The following C4orf46 variants were observed in gnomAD, a reference collection of about 807,000 sequenced individuals.
The protein encoded by C4orf46 is renal cancer differentiation gene 1 protein.
A neutral mutation model predicts 9.1 loss-of-function variants in C4orf46; 8 were observed. The ratio of observed to expected loss-of-function variants is 0.88; its 90% CI spans 0.52 to 1.59. The LOEUF (loss-of-function observed/expected upper bound fraction) is 1.59, where lower values mean the gene tolerates loss of function less well. Among genes scored for constraint, C4orf46 ranks in the 40% most tolerant of loss-of-function variants. The probability of loss-of-function intolerance (pLI) is 0.00; values close to 1 mark genes in which losing one functional copy is unlikely to be tolerated. For missense variants in C4orf46, 151 were observed against 139.1 expected, an observed-to-expected ratio of 1.09 and a Z score of -0.43; for synonymous variants, 51 against 58.8, an observed-to-expected ratio of 0.87 and a Z score of 0.61.
Position 158,668,124 on chromosome 4 carries a change from G to A in C4orf46, c.*1489C>T, listed in dbSNP as rs1421483521. 6.6e-6 allele frequency: 1 copy of A among 152,080 alleles called. No individual in the cohort carries two copies. Among genetic ancestry groups the A allele is most frequent in the African/African-American group, 2.4e-5 (1 of 41,358 alleles). The allele number at this position is 152,080 out of a possible 1,614,324, so 9.4% of individuals were successfully genotyped here. ...TTACATCTGCATGGTAGAAATACACGGATTTTCTTGAAATCATTTACCTTT... is the reference window on the plus strand; with the variant it reads ...TTACATCTGCATGGTAGAAATACACAGATTTTCTTGAAATCATTTACCTTT... On this transcript the variant is annotated 3_prime_UTR_variant, in exon 2 of 2. Transcript: ENST00000379205.
chr4:158,669,860 T>A, intron 1 of C4orf46, 92 bp from the exon 2 acceptor site: 1 of 1,012,130 alleles, frequency 9.9e-7, no homozygotes, highest in Non-Finnish European at 1.4e-6. Context: ...TTGAATCCAA[T>A]GCCCATGTTA....
At chr4:158,672,005 A>G (rs1773575668), upstream of C4orf46, 9 of 557,868 alleles carry the variant, frequency 1.6e-5, no homozygotes, top group Admixed American at 2.9e-4. Context: ...ACCTTAGGCA[A>G]CTCACGGCTC....
At chr4:158,671,594 G>A (rs376745396) in intron 1 of C4orf46, 22 bp downstream of exon 1, 16 of 1,464,752 alleles carry the variant, frequency 1.1e-5, no homozygotes, top group Admixed American at 2.3e-5. Flanking sequence ...GAGGGGGGAC[G>A]CGGTCCCGAC....
chr4:158,671,818 C>G lies in C4orf46; in HGVS notation c.-17G>C. 2 of 1,479,956 alleles carry G rather than the reference C, an allele frequency of 1.4e-6. No individual in the cohort carries two copies. The highest frequency in any genetic ancestry group is 1.8e-6 in the Non-Finnish European group (2 of 1,109,852). The allele number at this position is 1,479,956 out of a possible 1,614,324, so 91.7% of individuals were successfully genotyped here. ...GTCGGCCATGGGGAAGGGTTGGGACCGCGGAATCCGACCCGAGAAGCCGAA... is the reference window on the plus strand; with the variant it reads ...GTCGGCCATGGGGAAGGGTTGGGACGGCGGAATCCGACCCGAGAAGCCGAA... On this transcript the variant is annotated 5_prime_UTR_variant, in exon 1 of 2. Coordinates refer to ENST00000379205, the MANE Select transcript of C4orf46 (RefSeq NM_001008393.4).
chr4:158,670,112 C>T (rs1773488908), intron 1 of C4orf46, among the ~76,000 whole-genome samples: 1 of 148,368 alleles, frequency 6.7e-6, no homozygotes, highest in Non-Finnish European at 1.5e-5. Flanking sequence ...CAACCTCCGC[C>T]TCCCGGGTTC....
rs1223891423 is a variant in C4orf46, at chr4:158,669,135, T to G, written c.*478A>C. On this transcript the variant is annotated 3_prime_UTR_variant, in exon 2 of 2. Transcript: ENST00000379205. ...GAATGTTGTGTGACCCTGTTTTAGGTGCTGGGGATATAGAATAAAGACACA... is the reference window on the plus strand; with the variant it reads ...GAATGTTGTGTGACCCTGTTTTAGGGGCTGGGGATATAGAATAAAGACACA... 6.6e-6 allele frequency: 1 copy of G among 152,352 alleles called. No homozygotes were observed. The highest frequency in any genetic ancestry group is 1.5e-5 in the Non-Finnish European group (1 of 68,164). The allele number at this position is 152,352 out of a possible 1,614,324, so 9.4% of individuals were successfully genotyped here.
In C4orf46 at chr4:158,671,867, A is replaced by T. The variant is rs1448295473; in HGVS notation, c.-66T>A. 1.1e-5 allele frequency: 14 copies of T among 1,332,960 alleles called. No homozygotes were observed. The highest frequency in any genetic ancestry group is 1.3e-5 in the Non-Finnish European group (13 of 1,006,256). The allele number at this position is 1,332,960 out of a possible 1,614,324, so 82.6% of individuals were successfully genotyped here. A position where few individuals can be genotyped will look rare whatever the true frequency, so the allele number is the denominator to read the frequency against. On this transcript the variant is annotated 5_prime_UTR_variant, in exon 1 of 2. Transcript: ENST00000379205. ...AACCGACACCAACTGTCTTTTAACC[A>T]CTCGCGCCCAAAGCCGAAAGGCCCC...
rs575518153 is a variant in C4orf46, at chr4:158,671,797, G to C, written c.5C>G (p.Ala2Gly). 6 of 1,538,696 alleles carry C rather than the reference G, an allele frequency of 3.9e-6. No homozygotes were observed. The East Asian group carries it at 1.2e-4, about 32-fold the overall frequency. The change falls in exon 1 of 2, where the codon GCC becomes GGC. Residue 2 changes from alanine (A) to glycine (G), a missense_variant. Ala to Gly is a moderately conservative substitution (Grantham distance 60). Transcript: ENST00000379205. MADPEELQVSSP... is the reference protein window; with the variant it reads MGDPEELQVSSP... ...AGAAACCTGCAACTCCTCAGGGTCG[G>C]CCATGGGGAAGGGTTGGGACCGCGG...
Position 158,669,747 on chromosome 4 carries a change from G to A in C4orf46, c.208C>T (p.Leu70Phe). ...GATACTGCAGATGTGGCTTCAAGAA[G>A]TTTGGTTAATGAAAAGGCTGCCTAA... The part of the protein sequence containing the change: ...IGDAAFSLTK[L>F]LEATSAVSAQ... Residue 70 changes from leucine to phenylalanine, a missense_variant, in exon 2 of 2, where the codon CTT (leucine) becomes TTT (phenylalanine). Transcript: ENST00000379205. 1.2e-6 allele frequency: 2 copies of A among 1,601,350 alleles called. No individual in the cohort carries two copies. Among genetic ancestry groups the A allele is most frequent in the Middle Eastern group, 1.7e-4 (1 of 6,016 alleles).
rs146620946 is a variant in C4orf46, at chr4:158,671,691, C to A, written c.111G>T (p.Leu37Phe). 1.4e-4 allele frequency: 232 copies of A among 1,612,248 alleles called. No homozygotes were observed. The highest frequency in any genetic ancestry group is 1.3e-4 in the Non-Finnish European group (155 of 1,179,290). Residue 37 changes from leucine to phenylalanine, a missense_variant, in exon 1 of 2, where the codon TTG (leucine) becomes TTT (phenylalanine). Leu to Phe is a conservative substitution (Grantham distance 22). Coordinates refer to ENST00000379205, the MANE Select transcript of C4orf46 (RefSeq NM_001008393.4). ...TGCTCCTGCTCGGAACTGGCCAGCCCAAACTCACTGGGCCGCCCGGGGAAG... is the reference window on the plus strand; with the variant it reads ...TGCTCCTGCTCGGAACTGGCCAGCCAAAACTCACTGGGCCGCCCGGGGAAG... The part of the protein sequence containing the change: ...AASSPGGPVS[L>F]GWPVPSRSSG...
Position 158,671,740 on chromosome 4 carries a change from G to A in C4orf46, c.62C>T (p.Ser21Phe), listed in dbSNP as rs755273406. 4.4e-6 allele frequency: 7 copies of A among 1,582,896 alleles called. No individual in the cohort carries two copies. The South Asian group carries it at 5.7e-5, about 13-fold the overall frequency. ...AGATGCTGCAGAGGCGTCTGAAGAG[G>A]AGGGAGAAGAGGGAGGCGGCGGGGG... is the stretch of plus-strand genomic sequence containing the variant. ...SPPPPPPSSP[S>F]SSDASAASSP... Residue 21 changes from serine (S) to phenylalanine (F), a missense_variant, in exon 1 of 2, where the codon TCC becomes TTC. Physicochemically the swap from Ser to Phe is radical, Grantham distance 155. Transcript: ENST00000379205.
rs374282868 is a variant in C4orf46, at chr4:158,668,601, G to A, written c.*1012C>T. 6.6e-6 allele frequency: 1 copy of A among 152,168 alleles called. No homozygotes were observed. Among genetic ancestry groups the A allele is most frequent in the East Asian group, 1.9e-4 (1 of 5,196 alleles). 9.4% of individuals were successfully genotyped at this position (152,168 alleles called of 1,614,324 possible). A position where few individuals can be genotyped will look rare whatever the true frequency, so the allele number is the denominator to read the frequency against. The stretch of plus-strand genomic sequence containing the variant: ...AACATAAGATACAGGATGCAAAATA[G>A]AACACTGTCACTAAGATCAAATAAT... On this transcript the variant is annotated 3_prime_UTR_variant, in exon 2 of 2. Transcript: ENST00000379205.
intron 1 of C4orf46, 134 bp downstream of exon 1, chr4:158,671,482 G>T: frequency 5.5e-6 from 5 of 903,522 alleles, no homozygotes; most frequent in Non-Finnish European, 7.8e-6. Context: ...CCGCCCGCAC[G>T]CTCTGGGGCG....
chr4:158,671,587 G>C (rs372933641), intron 1 of C4orf46, 29 bp downstream of exon 1: 661 of 1,458,332 alleles, frequency 4.5e-4, no homozygotes, highest in Middle Eastern at 8.4e-4. Context: ...AGGCGCCGAG[G>C]GGGGACGCGG....
chr4:158,667,013 A>C lies in C4orf46; in HGVS notation c.*2600T>G, dbSNP rs1773393504. ...GTTTGTATGGCTTGCTACAGGTAGG[A>C]AAGGACAGTTAAAATAGCCATTTCT... On this transcript the variant is annotated 3_prime_UTR_variant, in exon 2 of 2. Transcript: ENST00000379205. 1 of 152,224 alleles carries C rather than the reference A, an allele frequency of 6.6e-6. No individual in the cohort carries two copies. The highest frequency in any genetic ancestry group is 2.4e-5 in the African/African-American group (1 of 41,454). 9.4% of individuals were successfully genotyped at this position (152,224 alleles called of 1,614,324 possible). A position where few individuals can be genotyped will look rare whatever the true frequency, so the allele number is the denominator to read the frequency against.
At position 158,670,029 on chromosome 4, in the gene C4orf46, T is replaced by TTTTTTTTTTTTC. The variant is rs1183176803; in HGVS notation, c.187-262_187-261insGAAAAAAAAAAA. The stretch of plus-strand genomic sequence containing the variant: ...AAATCAGTATAGTTGTTTTCTTTTT[T>TTTTTTTTTTTTC]TTTTTTTTTTTTTGAGACGGAGTTT... On this transcript the variant is annotated intron_variant, in intron 1 of 1. Transcript: ENST00000379205. Among the ~76,000 whole-genome samples the TTTTTTTTTTTTC allele has an allele frequency of 3.5e-3, 28 of 7,892 alleles. 8 individuals are homozygous for TTTTTTTTTTTTC. The highest frequency in any genetic ancestry group is 0.01 in the Non-Finnish European group (25 of 2,418). The allele number at this position is 7,892 out of a possible 152,430, so 5.2% of individuals were successfully genotyped here.
chr4:158,669,656 T>C lies in C4orf46; in HGVS notation c.299A>G (p.Asp100Gly). 1 of 1,613,856 alleles carries C rather than the reference T, an allele frequency of 6.2e-7. No individual in the cohort carries two copies. The highest frequency in any genetic ancestry group is 1.1e-5 in the South Asian group (1 of 91,046). ...AGAATCATAGCCTTCTTTCAAGAGG[T>C]CCCGCCACGTTTTAAGGAAACGTGC... is the stretch of plus-strand genomic sequence containing the variant. ...ENARFLKTWR[D>G]LLKEGYDSLK... Residue 100 changes from aspartate to glycine, a missense_variant, in exon 2 of 2, where the codon GAC (aspartate) becomes GGC (glycine). By Grantham distance (94) the Asp-to-Gly change is moderately conservative (BLOSUM62 -1). Coordinates refer to ENST00000379205, the MANE Select transcript of C4orf46 (RefSeq NM_001008393.4).
chr4:158,669,515 C>T lies in C4orf46; in HGVS notation c.*98G>A. 1 of 1,246,886 alleles carries T rather than the reference C, an allele frequency of 8.0e-7. No individual in the cohort carries two copies. The highest frequency in any genetic ancestry group is 1.1e-6 in the Non-Finnish European group (1 of 889,772). 77.2% of individuals were successfully genotyped at this position (1,246,886 alleles called of 1,614,324 possible). A position where few individuals can be genotyped will look rare whatever the true frequency, so the allele number is the denominator to read the frequency against. On this transcript the variant is annotated 3_prime_UTR_variant, in exon 2 of 2. Coordinates refer to ENST00000379205, the MANE Select transcript of C4orf46 (RefSeq NM_001008393.4). ...TTCATTCTGAGTATATACAGAACTGCTGGACAGAGGTCATCCTATATGTGT... is the reference window on the plus strand; with the variant it reads ...TTCATTCTGAGTATATACAGAACTGTTGGACAGAGGTCATCCTATATGTGT...
Position 158,669,558 on chromosome 4 carries a change from T to C in C4orf46, c.*55A>G. On this transcript the variant is annotated 3_prime_UTR_variant, in exon 2 of 2. Coordinates refer to ENST00000379205, the MANE Select transcript of C4orf46 (RefSeq NM_001008393.4). The stretch of plus-strand genomic sequence containing the variant: ...ATATGTGTGGTACATGTACAAAATA[T>C]GACATAAGAAGTATGAATTATTGCA... 1.9e-6 allele frequency: 3 copies of C among 1,560,304 alleles called. No homozygotes were observed. The highest frequency in any genetic ancestry group is 2.6e-6 in the Non-Finnish European group (3 of 1,136,376).
Sources: allele counts gnomAD v4.1 joint callset (sites outside exome capture counted in the v4.1 genomes callset), GRCh38; gene constraint gnomAD v4.1.1; transcripts MANE v1.5; gene names NCBI Gene and HGNC (gene_info 2026-07-23, HGNC 2026-07-21).